Variants in LIN9 observed in about 807,000 individuals in gnomAD.
LIN9 encodes the protein protein lin-9 homolog.
In LIN9, 18 loss-of-function variants were observed where a neutral mutation model predicts 78.0. The observed-to-expected ratio is 0.23, with a 90% CI of 0.16 to 0.34. The LOEUF (loss-of-function observed/expected upper bound fraction) is 0.34, where lower values mean the gene tolerates loss of function less well. Ranked by LOEUF, LIN9 falls within the 10% of genes least tolerant of loss-of-function variation. LIN9 has a pLI of 1.00. For synonymous variants in LIN9, 192 were observed against 215.2 expected (o/e 0.89, Z 0.94); for missense variants, 451 against 644.1 (o/e 0.70, Z 3.25).
intron 2 of LIN9, among the ~76,000 whole-genome samples, chr1:226,299,837 G>A (rs1415392168): frequency 6.6e-6 from 1 of 151,836 alleles, no homozygotes; most frequent in Non-Finnish European, 1.5e-5. Context: ...GTGAGACCAA[G>A]GAACATGTCA....
chr1:226,267,500 C>T (rs545269823), intron 8 of LIN9, among the ~76,000 whole-genome samples: 6 of 150,008 alleles, frequency 4.0e-5, no homozygotes, highest in South Asian at 2.1e-4. Flanking sequence ...GAATAAATTA[C>T]GCAATTGTAC....
intron 11 of LIN9, among the ~76,000 whole-genome samples, chr1:226,242,654 T>C (rs1361423610): frequency 6.6e-6 from 1 of 152,168 alleles, no homozygotes; most frequent in African/African-American, 2.4e-5. Flanking sequence ...TTTTTAAAAT[T>C]AATTTTTGCA....
chr1:226,280,713 T>G (rs1359791059), intron 6 of LIN9, among the ~76,000 whole-genome samples: 1 of 152,114 alleles, frequency 6.6e-6, no homozygotes, highest in Non-Finnish European at 1.5e-5. Flanking sequence ...AGACAGAGAT[T>G]GCAGTGAGCC....
intron 7 of LIN9, among the ~76,000 whole-genome samples, chr1:226,277,131 C>G (rs972280948): frequency 6.6e-6 from 1 of 151,264 alleles, no homozygotes; most frequent in African/African-American, 2.4e-5. Flanking sequence ...ATTGCTTGAG[C>G]CCGGGAGGTC....
chr1:226,252,317 T>TGG (rs201841383), intron 10 of LIN9, among the ~76,000 whole-genome samples: 1 of 150,564 alleles, frequency 6.6e-6, no homozygotes, highest in African/African-American at 2.4e-5. Flanking sequence ...AATAAATAAA[T>TGG]AAATGAATGA....
intron 10 of LIN9, among the ~76,000 whole-genome samples, chr1:226,255,624 G>A (rs945092882): frequency 6.6e-6 from 1 of 152,182 alleles, no homozygotes; most frequent in Admixed American, 6.6e-5. Flanking sequence ...GTTGAAATTT[G>A]AAAGAACTAT....
chr1:226,281,842 T>A (rs1282434451), intron 6 of LIN9, among the ~76,000 whole-genome samples: 7 of 151,984 alleles, frequency 4.6e-5, no homozygotes, highest in African/African-American at 1.7e-4. Flanking sequence ...TACAGGTATG[T>A]GCCACCACGC....
intron 1 of LIN9, among the ~76,000 whole-genome samples, chr1:226,302,421 T>C (rs10915970): frequency 0.65 from 98,137 of 151,854 alleles, 32,110 homozygotes; most frequent in East Asian, 0.71. Context: ...CGAGCACCTG[T>C]AGTCCCAGCT....
At chr1:226,295,443 C>T (rs949605080) in intron 4 of LIN9, among the ~76,000 whole-genome samples, 2 of 151,376 alleles carry the variant, frequency 1.3e-5, no homozygotes, top group Non-Finnish European at 2.9e-5. Flanking sequence ...AGTGAGACTC[C>T]GTCTCAAAAT....
chr1:226,276,271 A>G (rs1660649846), intron 7 of LIN9, among the ~76,000 whole-genome samples: 1 of 152,228 alleles, frequency 6.6e-6, no homozygotes, highest in South Asian at 2.1e-4. Context: ...TCTCTGGCAT[A>G]AATCAGTATG....
intron 3 of LIN9, among the ~76,000 whole-genome samples, chr1:226,296,745 G>A (rs1305620274): frequency 6.6e-6 from 1 of 152,116 alleles, no homozygotes; most frequent in African/African-American, 2.4e-5. Flanking sequence ...CTCTGGCTGG[G>A]CACAGTGGCT....
chr1:226,251,052 G>T, intron 10 of LIN9, 133 bp from the exon 11 acceptor site: 1 of 507,918 alleles, frequency 2.0e-6, no homozygotes, highest in Non-Finnish European at 3.4e-6. Context: ...ATATAGCATA[G>T]CATTGTTTTG....
intron 4 of LIN9, among the ~76,000 whole-genome samples, chr1:226,294,179 G>A (rs572627700): frequency 4.0e-5 from 6 of 151,298 alleles, no homozygotes; most frequent in East Asian, 2.0e-4. Flanking sequence ...GTGGTGGTGC[G>A]TGCCTATAGT....
intron 11 of LIN9, among the ~76,000 whole-genome samples, chr1:226,242,475 T>A (rs1576279845): frequency 6.6e-6 from 1 of 152,074 alleles, no homozygotes; most frequent in East Asian, 1.9e-4. Flanking sequence ...AAAGAAACTA[T>A]AAAAGTATCA....
At chr1:226,268,778 C>T (rs1269435395) in intron 7 of LIN9, among the ~76,000 whole-genome samples, 1 of 152,218 alleles carries the variant, frequency 6.6e-6, no homozygotes, top group African/African-American at 2.4e-5. Context: ...ATTGTGACAA[C>T]TTGTTTCTGG....
At chr1:226,259,870 A>T in intron 10 of LIN9, among the ~76,000 whole-genome samples, 1 of 152,030 alleles carries the variant, frequency 6.6e-6, no homozygotes, top group Non-Finnish European at 1.5e-5. Flanking sequence ...AACTAAAAAA[A>T]AAAAATAGGA....
chr1:226,252,165 C>G (rs1658872986), intron 10 of LIN9, among the ~76,000 whole-genome samples: 1 of 151,850 alleles, frequency 6.6e-6, no homozygotes, highest in South Asian at 2.1e-4. Context: ...CATCTGTAGT[C>G]CCAGTTACTC....
intron 11 of LIN9, among the ~76,000 whole-genome samples, chr1:226,246,508 C>T (rs906071230): frequency 2.0e-5 from 3 of 151,828 alleles, no homozygotes; most frequent in East Asian, 1.9e-4. Context: ...CTAGGTCGGG[C>T]GCGGTGGCTC....
At position 226,305,444 on chromosome 1, in the gene LIN9, G is replaced by A. The variant is rs940483993; in HGVS notation, c.31+3665C>T. Among the ~76,000 whole-genome samples the A allele has an allele frequency of 7.4e-5, 11 of 149,622 alleles. No individual in the cohort carries two copies. The East Asian group carries it at 1.4e-3, about 19-fold the overall frequency. On this transcript the variant is annotated intron_variant, in intron 1 of 14. Transcript: ENST00000681046. ...GAAGATCAAGGCTGCAGTGAGCCAC[G>A]ATCATGCCTCTGCACTCCAGTCTAC...
Sources: gnomAD v4.1 joint callset for allele counts (sites outside exome capture counted in the v4.1 genomes callset) on GRCh38, gnomAD v4.1.1 for gene constraint, MANE v1.5 for transcripts, NCBI Gene and HGNC (gene_info 2026-07-23, HGNC 2026-07-21) for gene names.